Variants in ADARB2 observed in about 807,000 individuals in gnomAD.
ADARB2 encodes adenosine deaminase RNA specific B2 (inactive), also known as inactive double-stranded RNA-specific editase B2.
Under a neutral mutation model 62.2 loss-of-function variants are expected in ADARB2, and 25 were observed. The observed-to-expected ratio is 0.40, with a 90% CI of 0.29 to 0.56. The LOEUF is 0.56. ADARB2 is among the 20% of genes least tolerant of loss of function. The probability of loss-of-function intolerance (pLI) is 0.43; values close to 1 mark genes in which losing one functional copy is unlikely to be tolerated. For missense variants in ADARB2, 1,071 were observed against 1,077.4 expected (o/e 0.99, Z 0.08); for synonymous variants, 572 against 500.8 (o/e 1.14, Z -1.90).
intron 5 of ADARB2, among the ~76,000 whole-genome samples, chr10:1,241,836 C>G (rs369846220): frequency 6.6e-6 from 1 of 152,164 alleles, no homozygotes; most frequent in South Asian, 2.1e-4. Context: ...CATGGGGAAC[C>G]GAGGCCAGGA....
intron 3 of ADARB2, among the ~76,000 whole-genome samples, chr10:1,334,142 G>T (rs1418443221): frequency 1.3e-5 from 2 of 152,216 alleles, no homozygotes; most frequent in Non-Finnish European, 2.9e-5. Flanking sequence ...AGGCTGTTTT[G>T]TGTTTCCTGG....
At chr10:1,663,609 T>C (rs1467240037) in intron 1 of ADARB2, among the ~76,000 whole-genome samples, 1 of 149,516 alleles carries the variant, frequency 6.7e-6, no homozygotes, top group African/African-American at 2.5e-5. Context: ...TCTTCATGAC[T>C]TGACAAATGA....
intron 1 of ADARB2, among the ~76,000 whole-genome samples, chr10:1,449,896 C>T (rs1426861801): frequency 6.6e-6 from 1 of 152,208 alleles, no homozygotes; most frequent in Non-Finnish European, 1.5e-5. Context: ...GAAAAGAAAA[C>T]ATCTGGGTGA....
intron 3 of ADARB2, among the ~76,000 whole-genome samples, chr10:1,335,706 A>G (rs1831967757): frequency 6.6e-6 from 1 of 152,182 alleles, no homozygotes; most frequent in African/African-American, 2.4e-5. Context: ...TTAAATAAGG[A>G]TAAGTGAGTC....
chr10:1,609,336 C>G lies in ADARB2; in HGVS notation c.100+127715G>C, dbSNP rs753550255. On this transcript the variant is annotated intron_variant, in intron 1 of 9. Transcript: ENST00000381312. Reference sequence around the variant, plus strand: ...TGATTGCACAGAGACCCGCTGGTCACAGCGGGTTTGTCTCCCTGATTAACT... The same window carrying G: ...TGATTGCACAGAGACCCGCTGGTCAGAGCGGGTTTGTCTCCCTGATTAACT... Among the ~76,000 whole-genome samples the G allele has an allele frequency of 1.5e-4, 23 of 152,356 alleles. 1 individual carries two copies. In the Middle Eastern group the frequency reaches 0.01, roughly 68 times the overall value.
At chr10:1,705,238 G>A (rs183317714) in intron 1 of ADARB2, among the ~76,000 whole-genome samples, 75 of 152,320 alleles carry the variant, frequency 4.9e-4, no homozygotes, top group Non-Finnish European at 5.1e-4. Context: ...GGGCCAAGGC[G>A]GCTGTGCTTG....
intron 1 of ADARB2, 151 bp downstream of exon 1, chr10:1,736,900 A>C: frequency 1.4e-6 from 1 of 709,396 alleles, no homozygotes; most frequent in Non-Finnish European, 2.3e-6. Flanking sequence ...CGGGATCTGA[A>C]CTCCCGAGCG....
At chr10:1,414,241 T>G (rs1177229161) in intron 1 of ADARB2, among the ~76,000 whole-genome samples, 2 of 152,136 alleles carry the variant, frequency 1.3e-5, no homozygotes, top group Admixed American at 6.5e-5. Flanking sequence ...AAAAGCTGAG[T>G]GTCGGGAGAA....
intron 1 of ADARB2, among the ~76,000 whole-genome samples, chr10:1,655,799 G>C (rs759810927): frequency 9.2e-5 from 14 of 152,228 alleles, no homozygotes; most frequent in Non-Finnish European, 1.5e-5. Context: ...GCGAGGTTTT[G>C]AGTATTTTCA....
At chr10:1,434,127 C>T (rs1054553285) in intron 1 of ADARB2, among the ~76,000 whole-genome samples, 4 of 152,006 alleles carry the variant, frequency 2.6e-5, no homozygotes, top group East Asian at 1.9e-4. Context: ...TATTAGATTC[C>T]GAGAAGGCTG....
chr10:1,702,469 A>C (rs1433461921), intron 1 of ADARB2, among the ~76,000 whole-genome samples: 2 of 152,182 alleles, frequency 1.3e-5, no homozygotes, highest in Non-Finnish European at 2.9e-5. Context: ...CTGTCCCAGC[A>C]CCTGGGCAGG....
At chr10:1,734,303 T>G (rs924234217) in intron 1 of ADARB2, among the ~76,000 whole-genome samples, 2 of 151,780 alleles carry the variant, frequency 1.3e-5, no homozygotes, top group East Asian at 3.9e-4. Flanking sequence ...GGTGTTTTTT[T>G]TTTTTTTTTT....
intron 1 of ADARB2, among the ~76,000 whole-genome samples, chr10:1,580,586 C>A (rs767640086): frequency 7.9e-5 from 12 of 151,732 alleles, no homozygotes; most frequent in African/African-American, 2.9e-4. Flanking sequence ...CCCTGTACCT[C>A]CTCCCCACAA....
At chr10:1,396,935 C>T (rs1588243555) in intron 1 of ADARB2, among the ~76,000 whole-genome samples, 1 of 123,294 alleles carries the variant, frequency 8.1e-6, no homozygotes, top group African/African-American at 3.0e-5. Flanking sequence ...CCTGGGTCAC[C>T]GTCCGTCTCT....
intron 1 of ADARB2, among the ~76,000 whole-genome samples, chr10:1,617,526 G>T (rs1016627183): frequency 6.7e-6 from 1 of 148,318 alleles, no homozygotes; most frequent in African/African-American, 2.5e-5. Flanking sequence ...TGCCTCCTGG[G>T]AACTGACCTC....
chr10:1,221,402 CT>C (rs67387944), intron 6 of ADARB2, among the ~76,000 whole-genome samples: 41,786 of 145,550 alleles, frequency 0.29, 6,183 homozygotes, highest in African/African-American at 0.37. Flanking sequence ...ATGCTCATTT[CT>C]TTTTTTTTTT....
At position 1,692,721 on chromosome 10, in the gene ADARB2, T is replaced by A. The variant is rs567810040; in HGVS notation, c.100+44330A>T. ...CCTGAAGGGCTACAAACATTTTTTT[T>A]AAAAACAATAAATACATTAATGAAT... is the stretch of plus-strand genomic sequence containing the variant. On this transcript the variant is annotated intron_variant, in intron 1 of 9. Transcript: ENST00000381312. 2.0e-3 allele frequency among the ~76,000 whole-genome samples: 303 copies of A among 152,142 alleles called. 2 individuals carry two copies. The highest frequency in any genetic ancestry group is 0.01 in the Middle Eastern group (3 of 294).
intron 1 of ADARB2, among the ~76,000 whole-genome samples, chr10:1,588,390 G>A (rs904673429): frequency 5.3e-5 from 8 of 152,192 alleles, no homozygotes; most frequent in Admixed American, 3.3e-4. Flanking sequence ...TTGGGTTTTT[G>A]GAGCATGAGC....
rs544442810 is a variant in ADARB2 at position 1,620,636 on chromosome 10, T to C, written c.100+116415A>G. ...CTCCATTCATTCAGTTGTTCTAATA[T>C]TATATTGATAGCAAGCACAAAAATA... On this transcript the variant is annotated intron_variant, in intron 1 of 9. Transcript: ENST00000381312. 3.3e-5 allele frequency among the ~76,000 whole-genome samples: 5 copies of C among 152,348 alleles called. No homozygotes were observed. The East Asian group carries it at 7.7e-4, about 24-fold the overall frequency.
Sources: allele counts gnomAD v4.1 joint callset (sites outside exome capture counted in the v4.1 genomes callset), GRCh38; gene constraint gnomAD v4.1.1; transcripts MANE v1.5; gene names NCBI Gene and HGNC (gene_info 2026-07-23, HGNC 2026-07-21).